Variants in WWOX observed in about 807,000 individuals in gnomAD.
The protein encoded by WWOX is WW domain containing oxidoreductase.
Under a neutral mutation model 46.2 loss-of-function variants are expected in WWOX, and 69 were observed. That is an observed-to-expected ratio of 1.49 (90% CI 1.23 to 1.82). WWOX has a LOEUF of 1.82. Among genes scored for constraint, WWOX ranks in the 40% most tolerant of loss-of-function variants. The pLI is 0.00. For synonymous variants in WWOX, 359 were observed against 202.6 expected (o/e 1.77, Z -6.56); for missense variants, 919 against 542.6 (o/e 1.69, Z -6.89).
At chr16:79,005,161 C>A (rs898845385) in intron 8 of WWOX, among the ~76,000 whole-genome samples, 2 of 152,074 alleles carry the variant, frequency 1.3e-5, no homozygotes, top group Non-Finnish European at 2.9e-5. Flanking sequence ...CTTTTGCTTG[C>A]CTTGTGCTTT....
At chr16:79,023,788 A>ATATGGTG (rs2047582594) in intron 8 of WWOX, among the ~76,000 whole-genome samples, 5 of 56,646 alleles carry the variant, frequency 8.8e-5, no homozygotes, top group African/African-American at 3.0e-4. Context: ...CTCTACTAAA[A>ATATGGTG]ATACAAAAAA....
intron 8 of WWOX, among the ~76,000 whole-genome samples, chr16:79,135,893 G>C (rs548624854): frequency 6.6e-6 from 1 of 152,198 alleles, no homozygotes; most frequent in East Asian, 1.9e-4. Flanking sequence ...TCTCGGTCCA[G>C]CTTTCTATAA....
intron 8 of WWOX, among the ~76,000 whole-genome samples, chr16:78,672,989 C>T (rs57893567): frequency 3.3e-5 from 5 of 152,192 alleles, no homozygotes; most frequent in Non-Finnish European, 7.4e-5. Flanking sequence ...CCACCGCCGC[C>T]GTGTGTCAGA....
intron 8 of WWOX, among the ~76,000 whole-genome samples, chr16:78,773,248 T>C (rs2050108225): frequency 6.6e-6 from 1 of 152,154 alleles, no homozygotes; most frequent in South Asian, 2.1e-4. Flanking sequence ...CGAGTTTGTG[T>C]TCTCCGATTC....
chr16:78,816,148 T>A (rs1329511724), intron 8 of WWOX, among the ~76,000 whole-genome samples: 1 of 152,200 alleles, frequency 6.6e-6, no homozygotes, highest in Non-Finnish European at 1.5e-5. Flanking sequence ...GTATCTGTTG[T>A]TTAAACTAAA....
chr16:78,994,218 G>C (rs761325634), intron 8 of WWOX: 2 of 148,518 alleles, frequency 1.3e-5, no homozygotes, highest in Non-Finnish European at 3.0e-5. Context: ...TGTGTTCTCT[G>C]TGTGTGTTTT....
intron 8 of WWOX, among the ~76,000 whole-genome samples, chr16:78,879,306 C>G (rs1462828052): frequency 1.3e-5 from 2 of 152,146 alleles, no homozygotes; most frequent in Non-Finnish European, 2.9e-5. Flanking sequence ...ACCGTAAGAG[C>G]TTGATAAATG....
intron 8 of WWOX, among the ~76,000 whole-genome samples, chr16:79,097,497 G>T (rs1567548276): frequency 6.6e-6 from 1 of 152,084 alleles, no homozygotes; most frequent in Non-Finnish European, 1.5e-5. Context: ...TTTGTTCGCA[G>T]TGGCACCGCA....
chr16:78,870,514 A>G (rs1443837387), intron 8 of WWOX, among the ~76,000 whole-genome samples: 1 of 151,968 alleles, frequency 6.6e-6, no homozygotes, highest in East Asian at 1.9e-4. Context: ...TAAAAAAAAA[A>G]CAAAAAACCC....
At chr16:78,162,043 A>G (rs1436774970) in intron 4 of WWOX, among the ~76,000 whole-genome samples, 1 of 152,086 alleles carries the variant, frequency 6.6e-6, no homozygotes, top group African/African-American at 2.4e-5. Flanking sequence ...TACTTTCTGC[A>G]TCTCTGGGTT....
At chr16:78,873,342 G>A (rs1046031630) in intron 8 of WWOX, 7 of 152,110 alleles carry the variant, frequency 4.6e-5, no homozygotes, top group Non-Finnish European at 1.0e-4. Flanking sequence ...CAGAGATCTG[G>A]TCATCACCCT....
intron 8 of WWOX, among the ~76,000 whole-genome samples, chr16:79,082,713 G>C (rs2150584458): frequency 6.6e-6 from 1 of 152,310 alleles, no homozygotes; most frequent in South Asian, 2.1e-4. Flanking sequence ...GCAGTTCCCA[G>C]GGCAGGTGAA....
intron 8 of WWOX, among the ~76,000 whole-genome samples, chr16:78,876,879 AATAAG>A (rs1280038641): frequency 6.6e-6 from 1 of 152,218 alleles, no homozygotes; most frequent in Non-Finnish European, 1.5e-5. Context: ...TGGGGCATAA[AATAAG>A]ATAACACTCT....
At chr16:78,960,406 C>G (rs2046250455) in intron 8 of WWOX, among the ~76,000 whole-genome samples, 1 of 152,218 alleles carries the variant, frequency 6.6e-6, no homozygotes, top group Non-Finnish European at 1.5e-5. Context: ...GCCATCTAGA[C>G]TTGCTCTCTA....
chr16:78,315,075 C>T (rs1338650796), intron 5 of WWOX, among the ~76,000 whole-genome samples: 1 of 152,168 alleles, frequency 6.6e-6, no homozygotes, highest in Admixed American at 6.5e-5. Flanking sequence ...TATCATCTAG[C>T]TATCTATCGA....
chr16:78,478,428 G>C (rs557963064), intron 8 of WWOX, among the ~76,000 whole-genome samples: 1 of 152,084 alleles, frequency 6.6e-6, no homozygotes, highest in African/African-American at 2.4e-5. Flanking sequence ...CCACCCCGGG[G>C]TTCCTTTTCA....
chr16:78,400,034 C>G (rs1297848240), intron 6 of WWOX, among the ~76,000 whole-genome samples: 1 of 152,094 alleles, frequency 6.6e-6, no homozygotes, highest in Admixed American at 6.6e-5. Flanking sequence ...ATTGTGAGTC[C>G]TTTCTTGTCT....
chr16:78,786,235 T>G (rs1359938700), intron 8 of WWOX, among the ~76,000 whole-genome samples: 1 of 152,180 alleles, frequency 6.6e-6, no homozygotes, highest in East Asian at 1.9e-4. Context: ...TACCCCACTT[T>G]CTTAAGTCGA....
At chr16:78,157,311 G>A (rs1349832015) in intron 4 of WWOX, among the ~76,000 whole-genome samples, 1 of 152,110 alleles carries the variant, frequency 6.6e-6, no homozygotes, top group Non-Finnish European at 1.5e-5. Context: ...TTTGTTCGGT[G>A]CCTGCCCCCA....
Sources: allele counts gnomAD v4.1 joint callset (sites outside exome capture counted in the v4.1 genomes callset), GRCh38; gene constraint gnomAD v4.1.1; transcripts MANE v1.5; gene names NCBI Gene and HGNC (gene_info 2026-07-23, HGNC 2026-07-21).